Variants in PHTF2 observed in about 807,000 individuals in gnomAD.
PHTF2 encodes protein PHTF2.
A neutral mutation model predicts 101.2 loss-of-function variants in PHTF2; 60 were observed. The observed-to-expected ratio is 0.59, with a 90% CI of 0.48 to 0.73. The LOEUF is 0.73. Ranked by LOEUF, PHTF2 falls within the 30% of genes least tolerant of loss-of-function variation. The probability of loss-of-function intolerance (pLI) is 0.00; values close to 1 mark genes in which losing one functional copy is unlikely to be tolerated. For missense variants in PHTF2, 747 were observed against 908.7 expected (o/e 0.82, Z 2.29); for synonymous variants, 311 against 307.3 (o/e 1.01, Z -0.13).
intron 16 of PHTF2, among the ~76,000 whole-genome samples, chr7:77,947,659 T>G (rs1393960506): frequency 6.6e-6 from 1 of 152,022 alleles, no homozygotes; most frequent in Non-Finnish European, 1.5e-5. Flanking sequence ...CTGGGGGAAT[T>G]GTTGGAATCC....
chr7:77,799,429 C>T (rs1739935116), intron 1 of PHTF2, among the ~76,000 whole-genome samples: 2 of 152,058 alleles, frequency 1.3e-5, no homozygotes, highest in Non-Finnish European at 2.9e-5. Context: ...GAGGAGCGGG[C>T]TCGGGAGGGG....
At chr7:77,890,013 T>A (rs932247401) in intron 3 of PHTF2, among the ~76,000 whole-genome samples, 1 of 128,754 alleles carries the variant, frequency 7.8e-6, no homozygotes, top group African/African-American at 3.4e-5. Context: ...TTTAAAAAAA[T>A]TAAGACGCGC....
intron 19 of PHTF2, among the ~76,000 whole-genome samples, chr7:77,954,197 G>A (rs763291454): frequency 1.3e-5 from 2 of 151,898 alleles, no homozygotes; most frequent in Admixed American, 6.6e-5. Context: ...GCAGTTGCGC[G>A]ACCTTGGCTC....
At chr7:77,862,214 CAGT>C (rs1797706698) in intron 3 of PHTF2, among the ~76,000 whole-genome samples, 1 of 152,108 alleles carries the variant, frequency 6.6e-6, no homozygotes, top group Non-Finnish European at 1.5e-5. Context: ...AAAACATTAT[CAGT>C]AGAAAATTCT....
At chr7:77,813,996 C>G (rs1475103421) in intron 1 of PHTF2, among the ~76,000 whole-genome samples, 1 of 152,088 alleles carries the variant, frequency 6.6e-6, no homozygotes, top group Admixed American at 6.6e-5. Context: ...GACCTGGTAT[C>G]AAGAATAATA....
intron 1 of PHTF2, among the ~76,000 whole-genome samples, chr7:77,819,267 G>C (rs1251337906): frequency 6.6e-6 from 1 of 152,200 alleles, no homozygotes; most frequent in Non-Finnish European, 1.5e-5. Context: ...ACTTTCAGTA[G>C]TATATTGAAT....
Position 77,937,873 on chromosome 7 carries a change from G to C in PHTF2, c.1467+35G>C, listed in dbSNP as rs749638239. On this transcript the variant is annotated intron_variant, in intron 13 of 19. Coordinates refer to ENST00000416283, the Ensembl canonical transcript of PHTF2. ...TAAATTTTATTCTTGTAGTTCAAGG[G>C]TAAGACTTAGTAATTATATATAAGA... The C allele has an allele frequency of 1.1e-5, 12 of 1,114,580 alleles. No homozygotes were observed. The South Asian group carries it at 2.1e-4, about 20-fold the overall frequency. The allele number at this position is 1,114,580 out of a possible 1,614,324, so 69.0% of individuals were successfully genotyped here.
intron 16 of PHTF2, among the ~76,000 whole-genome samples, chr7:77,946,359 T>A (rs1290352442): frequency 1.3e-5 from 2 of 151,670 alleles, no homozygotes; most frequent in African/African-American, 2.4e-5. Context: ...AGTTATTTAC[T>A]TTAAAATTGG....
At chr7:77,809,105 A>G (rs1359592108) in intron 1 of PHTF2, among the ~76,000 whole-genome samples, 1 of 152,056 alleles carries the variant, frequency 6.6e-6, no homozygotes, top group Non-Finnish European at 1.5e-5. Flanking sequence ...AGAGTAGACT[A>G]TAGGTTTGAT....
intron 13 of PHTF2, 189 bp downstream of exon 12, chr7:77,938,027 C>T (rs1032147716): frequency 2.0e-5 from 5 of 253,622 alleles, no homozygotes; most frequent in African/African-American, 1.1e-4. Context: ...CTCTCATCTT[C>T]TAGTGTTTTC....
At position 77,891,883 on chromosome 7, in the gene PHTF2, C is replaced by A. The variant is rs2204574; in HGVS notation, c.148-1725C>A. Among the ~76,000 whole-genome samples the A allele has an allele frequency of 1.2e-3, 185 of 152,246 alleles. 2 individuals are homozygous for A. The highest frequency in any genetic ancestry group is 7.3e-3 in the South Asian group (35 of 4,824). On this transcript the variant is annotated intron_variant, in intron 3 of 19. Coordinates refer to ENST00000416283, the Ensembl canonical transcript of PHTF2. ...TTGCAGGCAAGAGCCACTCTGCACT[C>A]AGCCATAATATGATTTTTAAAATAA...
At chr7:77,955,024 T>C (rs568537529) in exon 20 of PHTF2, 5 of 393,860 alleles carry the variant, frequency 1.3e-5, no homozygotes, top group East Asian at 1.2e-4. Context: ...GCAATTCTTA[T>C]ATTTATTTTA....
chr7:77,919,451 G>A (rs1280915306), intron 9 of PHTF2, among the ~76,000 whole-genome samples: 1 of 152,068 alleles, frequency 6.6e-6, no homozygotes, highest in Non-Finnish European at 1.5e-5. Context: ...TAGATAATCT[G>A]CATTGAGCAC....
intron 3 of PHTF2, among the ~76,000 whole-genome samples, chr7:77,872,026 A>T (rs1399838354): frequency 6.6e-6 from 1 of 152,206 alleles, no homozygotes; most frequent in African/African-American, 2.4e-5. Flanking sequence ...ATCTGCCACC[A>T]GGTAACTGGC....
intron 5 of PHTF2, among the ~76,000 whole-genome samples, chr7:77,896,706 C>T (rs908911812): frequency 4.6e-5 from 7 of 151,902 alleles, no homozygotes; most frequent in Non-Finnish European, 7.4e-5. Flanking sequence ...AAAATAATTC[C>T]GTATTTATTC....
chr7:77,872,666 G>A, intron 3 of PHTF2, among the ~76,000 whole-genome samples: 1 of 152,160 alleles, frequency 6.6e-6, no homozygotes, highest in Non-Finnish European at 1.5e-5. Flanking sequence ...ATACCTGAAA[G>A]AGCAATTACA....
intron 1 of PHTF2, among the ~76,000 whole-genome samples, chr7:77,802,649 C>T (rs1165438018): frequency 6.6e-6 from 1 of 152,168 alleles, no homozygotes; most frequent in East Asian, 1.9e-4. Flanking sequence ...ATCCTGTTGC[C>T]TTAGCCTCCT....
intron 3 of PHTF2, among the ~76,000 whole-genome samples, chr7:77,878,156 G>C (rs562644644): frequency 6.6e-6 from 1 of 152,260 alleles, no homozygotes; most frequent in Admixed American, 6.5e-5. Flanking sequence ...GAACAAGAGA[G>C]GTTATTATTA....
chr7:77,851,168 G>A (rs931691013), intron 2 of PHTF2, among the ~76,000 whole-genome samples: 2 of 152,178 alleles, frequency 1.3e-5, no homozygotes, highest in African/African-American at 4.8e-5. Context: ...TTTCAGAATA[G>A]TTTGAGAAGG....
Sources: allele counts gnomAD v4.1 joint callset (sites outside exome capture counted in the v4.1 genomes callset), GRCh38; gene constraint gnomAD v4.1.1; transcripts MANE v1.5; gene names NCBI Gene and HGNC (gene_info 2026-07-23, HGNC 2026-07-21).